RIC3: variants seen among roughly 807,000 people sequenced by gnomAD.
The protein encoded by RIC3 is protein RIC-3.
A neutral mutation model predicts 27.3 loss-of-function variants in RIC3; 28 were observed. The observed-to-expected ratio is 1.02, with a 90% CI of 0.76 to 1.41. The LOEUF (loss-of-function observed/expected upper bound fraction) is 1.41. Ranked by LOEUF, RIC3 falls within the 40% of genes most tolerant of loss-of-function variation. The pLI is 0.00. For synonymous variants in RIC3, 184 were observed against 160.4 expected (o/e 1.15, Z -1.11); for missense variants, 501 against 444.7 (o/e 1.13, Z -1.14).
the RIC3 span, among the ~76,000 whole-genome samples, chr11:8,095,897 A>C: frequency 1.3e-5 from 2 of 152,272 alleles, no homozygotes; most frequent in African/African-American, 4.8e-5. Flanking sequence ...TCCTTAGAAA[A>C]AGCTCCTTTT....
the RIC3 span, among the ~76,000 whole-genome samples, chr11:8,094,908 G>C: frequency 1.3e-5 from 2 of 152,246 alleles, no homozygotes; most frequent in African/African-American, 4.8e-5. Flanking sequence ...CAGGGTGGCT[G>C]CCACCTGTGT....
chr11:8,118,325 A>G (rs1339630432), intron 5 of RIC3, among the ~76,000 whole-genome samples: 1 of 151,696 alleles, frequency 6.6e-6, no homozygotes, highest in Non-Finnish European at 1.5e-5. Context: ...AGGGAACAAA[A>G]CTAACCAAAA....
At chr11:8,102,780 T>G (rs1030337863), downstream of RIC3, 2 of 152,186 alleles carry the variant, frequency 1.3e-5, no homozygotes, top group Non-Finnish European at 1.5e-5. Context: ...CCTTGTTGCT[T>G]TAGGTGAGTC....
chr11:8,094,292 A>C, the RIC3 span: 1 of 1,400,312 alleles, frequency 7.1e-7, no homozygotes, highest in Non-Finnish European at 9.6e-7. Context: ...TAGGATGAAC[A>C]GCCTCAGGGA....
Position 8,113,688 on chromosome 11 carries a change from A to G in RIC3, c.671-2551T>C, listed in dbSNP as rs146520986. 6.2e-3 allele frequency among the ~76,000 whole-genome samples: 949 copies of G among 152,214 alleles called. 21 individuals carry two copies. Among genetic ancestry groups the G allele is most frequent in the Admixed American group, 0.051 (775 of 15,290 alleles). ...GACCCTGGGTCTAGCCCAACCCAGTAGACCCCAGCATTGGGCCGGCCCTCA... is the reference window on the plus strand; with the variant it reads ...GACCCTGGGTCTAGCCCAACCCAGTGGACCCCAGCATTGGGCCGGCCCTCA... On this transcript the variant is annotated intron_variant, in intron 5 of 5. Coordinates refer to ENST00000309737, the MANE Select transcript of RIC3 (RefSeq NM_001206671.4).
intron 1 of RIC3, among the ~76,000 whole-genome samples, chr11:8,148,452 C>T (rs1173521523): frequency 3.9e-5 from 6 of 152,132 alleles, no homozygotes; most frequent in Non-Finnish European, 8.8e-5. Flanking sequence ...GGCTAATGTT[C>T]AATAAACTGG....
At chr11:8,100,569 G>A in the RIC3 span, 2 of 1,614,112 alleles carry the variant, frequency 1.2e-6, no homozygotes, top group Admixed American at 3.3e-5. Flanking sequence ...CATGAACATG[G>A]TTCATGAGAG....
intron 4 of RIC3, chr11:8,128,414 T>C: frequency 2.7e-6 from 1 of 366,106 alleles, no homozygotes; most frequent in South Asian, 2.1e-5. Flanking sequence ...CCCAGAGAAC[T>C]CCAAACCAAA....
At chr11:8,121,441 C>A (rs541594691) in intron 5 of RIC3, among the ~76,000 whole-genome samples, 1 of 152,010 alleles carries the variant, frequency 6.6e-6, no homozygotes, top group Non-Finnish European at 1.5e-5. Context: ...ATCCACCAGG[C>A]GCAGTGGCTC....
chr11:8,144,135 C>T (rs1193591983), intron 1 of RIC3, among the ~76,000 whole-genome samples: 2 of 152,078 alleles, frequency 1.3e-5, no homozygotes, highest in East Asian at 1.9e-4. Flanking sequence ...ACTTCATGTC[C>T]AGAACACCAA....
At chr11:8,136,058 A>G (rs1343892761) in intron 4 of RIC3, among the ~76,000 whole-genome samples, 2 of 152,190 alleles carry the variant, frequency 1.3e-5, no homozygotes, top group Non-Finnish European at 2.9e-5. Context: ...TCCAGATAGT[A>G]ACTCTGCTTT....
rs1944696609 is a variant in RIC3 at position 8,106,658 on chromosome 11, T to C, written c.*4040A>G. On this transcript the variant is annotated 3_prime_UTR_variant, in exon 6 of 6. Coordinates refer to ENST00000309737, the MANE Select transcript of RIC3 (RefSeq NM_001206671.4). ...CAGGGCTTGCTTGGACCCTAACCCA[T>C]TTAAACAGGACCTCGAGATGCTTAG... is the stretch of plus-strand genomic sequence containing the variant. 1 of 145,476 alleles carries C rather than the reference T, an allele frequency of 6.9e-6. No homozygotes were observed. The highest frequency in any genetic ancestry group is 1.5e-5 in the Non-Finnish European group (1 of 66,826). The allele number at this position is 145,476 out of a possible 1,614,324, so 9.0% of individuals were successfully genotyped here. A position where few individuals can be genotyped will look rare whatever the true frequency, so the allele number is the denominator to read the frequency against.
chr11:8,129,903 G>C (rs1947483719), intron 4 of RIC3, among the ~76,000 whole-genome samples: 1 of 152,260 alleles, frequency 6.6e-6, no homozygotes, highest in Admixed American at 6.5e-5. Context: ...TCCTATTGCT[G>C]TTTCATATTA....
intron 2 of RIC3, 36 bp from the exon 3 acceptor site, chr11:8,138,383 G>A: frequency 1.4e-6 from 2 of 1,386,168 alleles, no homozygotes; most frequent in Non-Finnish European, 2.0e-6. Flanking sequence ...ATCAACAGCA[G>A]CTCAGAACCT....
chr11:8,108,859 A>C lies in RIC3; in HGVS notation c.*1839T>G, dbSNP rs1036931476. 2 of 152,216 alleles carry C rather than the reference A, an allele frequency of 1.3e-5. No individual in the cohort carries two copies. The highest frequency in any genetic ancestry group is 2.4e-5 in the African/African-American group (1 of 41,448). 9.4% of individuals were successfully genotyped at this position (152,216 alleles called of 1,614,324 possible). ...TAAGGGAATCCTATCCTAAGGCCAA[A>C]AGTAAACCTGAGCCAGGAACCCAGG... On this transcript the variant is annotated 3_prime_UTR_variant, in exon 6 of 6. Coordinates refer to ENST00000309737, the MANE Select transcript of RIC3 (RefSeq NM_001206671.4).
intron 1 of RIC3, among the ~76,000 whole-genome samples, chr11:8,151,356 G>A (rs1056378763): frequency 6.6e-6 from 1 of 151,942 alleles, no homozygotes; most frequent in African/African-American, 2.4e-5. Flanking sequence ...GGGAGGCCGA[G>A]ACGGGCGGAT....
intron 4 of RIC3, among the ~76,000 whole-genome samples, chr11:8,130,439 T>C (rs1348625785): frequency 6.6e-6 from 1 of 152,202 alleles, no homozygotes; most frequent in African/African-American, 2.4e-5. Context: ...ACCTGCATGT[T>C]CAGCTGTTCC....
the RIC3 span, chr11:8,094,198 A>T: frequency 1.2e-6 from 2 of 1,605,730 alleles, no homozygotes; most frequent in Non-Finnish European, 1.7e-6. Context: ...AGGTCAGCTC[A>T]CATTCTCTAC....
chr11:8,125,173 G>A (rs1946863369), intron 5 of RIC3, among the ~76,000 whole-genome samples: 1 of 151,466 alleles, frequency 6.6e-6, no homozygotes, highest in African/African-American at 2.4e-5. Context: ...AGGATGGCAT[G>A]AACCTGGGAG....
Sources: gnomAD v4.1 joint callset for allele counts (sites outside exome capture counted in the v4.1 genomes callset) on GRCh38, gnomAD v4.1.1 for gene constraint, MANE v1.5 for transcripts, NCBI Gene and HGNC (gene_info 2026-07-23, HGNC 2026-07-21) for gene names.